The following WNT5A variants were observed in gnomAD, a reference collection of about 807,000 sequenced individuals.
WNT5A encodes the protein protein Wnt-5a.
In WNT5A, 9 loss-of-function variants were observed where a neutral mutation model predicts 42.1. That is an observed-to-expected ratio of 0.21 (90% CI 0.13 to 0.37). The LOEUF is 0.37. Ranked by LOEUF, WNT5A falls within the 10% of genes least tolerant of loss-of-function variation. The pLI, the probability that WNT5A is intolerant of heterozygous loss-of-function variation, is 1.00. For missense variants in WNT5A, 426 were observed against 534.0 expected, an observed-to-expected ratio of 0.80 and a Z score of 1.99; for synonymous variants, 210 against 210.0, an observed-to-expected ratio of 1.00 and a Z score of 0.00.
chr3:55,498,180 C>T, the WNT5A span, among the ~76,000 whole-genome samples: 1 of 152,144 alleles, frequency 6.6e-6, no homozygotes, highest in African/African-American at 2.4e-5. Context: ...ATGTGACAGC[C>T]GTCACTGTTC....
the WNT5A span, among the ~76,000 whole-genome samples, chr3:55,495,682 G>C: frequency 6.6e-6 from 1 of 152,036 alleles, no homozygotes; most frequent in African/African-American, 2.4e-5. Context: ...TTAATATACT[G>C]ACCTCATTTC....
At chr3:55,479,642 A>G (rs2051421304) in intron 2 of WNT5A, 78 bp from the exon 3 acceptor site, 2 of 1,495,496 alleles carry the variant, frequency 1.3e-6, no homozygotes, top group African/African-American at 1.4e-5. Flanking sequence ...TCAGCAATAC[A>G]TAGTTTTAAG....
At chr3:55,482,130 C>A (rs1275945897) in intron 1 of WNT5A, among the ~76,000 whole-genome samples, 1 of 152,232 alleles carries the variant, frequency 6.6e-6, no homozygotes, top group East Asian at 1.9e-4. Context: ...AGAGCCCTTG[C>A]AGATGAGTCC....
intron 1 of WNT5A, among the ~76,000 whole-genome samples, chr3:55,484,049 T>G (rs1175629468): frequency 6.6e-6 from 1 of 152,142 alleles, no homozygotes; most frequent in Non-Finnish European, 1.5e-5. Flanking sequence ...CATCCCCTTC[T>G]GCTAGACTCT....
At chr3:55,472,175 A>G (rs960250562) in intron 4 of WNT5A, among the ~76,000 whole-genome samples, 1 of 152,088 alleles carries the variant, frequency 6.6e-6, no homozygotes, top group Non-Finnish European at 1.5e-5. Flanking sequence ...TACTCCAATG[A>G]TCAAATTTAC....
intron 2 of WNT5A, among the ~76,000 whole-genome samples, chr3:55,479,835 C>T (rs2051424990): frequency 6.6e-6 from 1 of 152,128 alleles, no homozygotes; most frequent in South Asian, 2.1e-4. Flanking sequence ...ATACCTGAAC[C>T]AGTATTTCCA....
the WNT5A span, among the ~76,000 whole-genome samples, chr3:55,496,557 T>C: frequency 6.6e-6 from 1 of 152,240 alleles, no homozygotes; most frequent in African/African-American, 2.4e-5. Flanking sequence ...AGGAACGCGA[T>C]GGCTCCACTC....
At chr3:55,494,825 T>C (rs984346948), upstream of WNT5A, among the ~76,000 whole-genome samples, 7 of 152,166 alleles carry the variant, frequency 4.6e-5, no homozygotes, top group African/African-American at 1.7e-4. Context: ...GTGTGAGCCA[T>C]GGCACCAGAC....
chr3:55,486,457 G>T (rs1229562548), intron 1 of WNT5A, among the ~76,000 whole-genome samples: 1 of 152,164 alleles, frequency 6.6e-6, no homozygotes, highest in African/African-American at 2.4e-5. Context: ...CCGTCGGTGC[G>T]GGGGGGTGTC....
upstream of WNT5A, chr3:55,493,687 CA>C (rs2051686026): frequency 6.6e-6 from 1 of 152,182 alleles, no homozygotes; most frequent in South Asian, 2.1e-4. Context: ...CACTGCTGAG[CA>C]AAAGTTTGAA....
the WNT5A span, among the ~76,000 whole-genome samples, chr3:55,502,719 G>A: frequency 6.6e-6 from 1 of 152,206 alleles, no homozygotes; most frequent in Non-Finnish European, 1.5e-5. Context: ...CAGGCATTTT[G>A]TATTACAAAA....
chr3:55,495,664 G>C, the WNT5A span, among the ~76,000 whole-genome samples: 1 of 152,070 alleles, frequency 6.6e-6, no homozygotes, highest in Non-Finnish European at 1.5e-5. Context: ...GGGAGTGCAG[G>C]TACCTTTTTA....
intron 4 of WNT5A, among the ~76,000 whole-genome samples, chr3:55,471,393 G>C (rs1440379578): frequency 3.3e-5 from 5 of 152,170 alleles, no homozygotes; most frequent in Admixed American, 3.3e-4. Context: ...CTGGAGCCAA[G>C]CAACATAGAT....
chr3:55,481,287 T>C lies in WNT5A; in HGVS notation c.7-369A>G, dbSNP rs539009969. On this transcript the variant is annotated intron_variant, in intron 1 of 4. Coordinates refer to ENST00000264634, the MANE Select transcript of WNT5A (RefSeq NM_003392.7). ...CTGTGCTCAGTCCCTCCTGGGTAAT[T>C]CACTCAGGAACCCGCTGCGGCCACC... The C allele has an allele frequency of 3.2e-4, 315 of 994,580 alleles. No individual in the cohort carries two copies. In the African/African-American group the frequency reaches 4.9e-3, roughly 15 times the overall value. 61.6% of individuals were successfully genotyped at this position (994,580 alleles called of 1,614,324 possible).
chr3:55,502,435 C>G, the WNT5A span, among the ~76,000 whole-genome samples: 1 of 152,140 alleles, frequency 6.6e-6, no homozygotes, highest in Non-Finnish European at 1.5e-5. Context: ...AAAGTCAAGA[C>G]AATTCCTTCC....
Position 55,487,024 on chromosome 3 carries a change from G to A in WNT5A, c.-39C>T, listed in dbSNP as rs755396693. 3.7e-6 allele frequency: 6 copies of A among 1,606,894 alleles called. 1 individual carries two copies. In the South Asian group the frequency reaches 4.4e-5, roughly 12 times the overall value. On this transcript the variant is annotated 5_prime_UTR_variant, in exon 1 of 5. Transcript: ENST00000264634. ...GGGCGCGGGGAGGAAGTCGCCACCCGAGCGAGCGCAGCCGAGGAATCCGAG... is the reference window on the plus strand; with the variant it reads ...GGGCGCGGGGAGGAAGTCGCCACCCAAGCGAGCGCAGCCGAGGAATCCGAG...
chr3:55,486,259 A>C (rs1158122868), intron 1 of WNT5A, among the ~76,000 whole-genome samples: 1 of 152,142 alleles, frequency 6.6e-6, no homozygotes, highest in African/African-American at 2.4e-5. Flanking sequence ...AGCCACTACC[A>C]CCACAACTCC....
chr3:55,477,893 C>G (rs2051386151), intron 3 of WNT5A, among the ~76,000 whole-genome samples: 2 of 152,180 alleles, frequency 1.3e-5, no homozygotes, highest in Non-Finnish European at 2.9e-5. Context: ...AAAAAGTAGT[C>G]CCATAGGTTG....
At chr3:55,494,629 C>G (rs1001254562), upstream of WNT5A, among the ~76,000 whole-genome samples, 1 of 152,180 alleles carries the variant, frequency 6.6e-6, no homozygotes, top group Non-Finnish European at 1.5e-5. Flanking sequence ...ACCTCTGCCC[C>G]CCAGGTTCAA....
Sources: gnomAD v4.1 joint callset for allele counts (sites outside exome capture counted in the v4.1 genomes callset) on GRCh38, gnomAD v4.1.1 for gene constraint, MANE v1.5 for transcripts, NCBI Gene and HGNC (gene_info 2026-07-23, HGNC 2026-07-21) for gene names.